MFAP1: variants seen among roughly 807,000 people sequenced by gnomAD.
The protein encoded by MFAP1 is microfibril associated protein 1.
A neutral mutation model predicts 62.2 loss-of-function variants in MFAP1; 18 were observed. The observed-to-expected ratio is 0.29, with a 90% confidence interval of 0.20 to 0.43. The LOEUF is 0.43. MFAP1 is among the 20% of genes least tolerant of loss of function. The probability of loss-of-function intolerance (pLI) is 1.00; values close to 1 mark genes in which losing one functional copy is unlikely to be tolerated. For missense variants in MFAP1, 355 were observed against 559.7 expected (o/e 0.63, Z 3.69); for synonymous variants, 175 against 180.4 (o/e 0.97, Z 0.24).
chr15:43,805,593 C>T, intron 7 of MFAP1, 128 bp from the exon 8 acceptor site: 1 of 685,324 alleles, frequency 1.5e-6, no homozygotes, highest in Non-Finnish European at 2.3e-6. Context: ...CAAGAGCTTA[C>T]ATCTAGTTGA....
chr15:43,817,817 C>A (rs143012877), intron 1 of MFAP1, among the ~76,000 whole-genome samples: 2 of 152,286 alleles, frequency 1.3e-5, no homozygotes, highest in African/African-American at 4.8e-5. Context: ...TAACAGTGCC[C>A]AGCACATAGT....
chr15:43,818,819 T>A (rs2087450501), intron 1 of MFAP1, among the ~76,000 whole-genome samples: 1 of 151,908 alleles, frequency 6.6e-6, no homozygotes, highest in Admixed American at 6.6e-5. Flanking sequence ...GCCCAGGAGG[T>A]TGAGGCTGCG....
intron 7 of MFAP1, among the ~76,000 whole-genome samples, chr15:43,807,196 C>G (rs1256769396): frequency 6.6e-6 from 1 of 151,546 alleles, no homozygotes; most frequent in Non-Finnish European, 1.5e-5. Flanking sequence ...ACTAAAAATA[C>G]AAAAACTAGT....
chr15:43,818,989 C>T (rs377316352), intron 1 of MFAP1, among the ~76,000 whole-genome samples: 5 of 152,202 alleles, frequency 3.3e-5, no homozygotes, highest in African/African-American at 7.2e-5. Context: ...GCTAGGAGTT[C>T]GAGACCAGCC....
intron 1 of MFAP1, among the ~76,000 whole-genome samples, chr15:43,821,461 G>T (rs1303708276): frequency 6.6e-6 from 1 of 151,972 alleles, no homozygotes; most frequent in Non-Finnish European, 1.5e-5. Context: ...GGGGAAGGAG[G>T]GGTGGGGCAT....
intron 7 of MFAP1, 107 bp from the exon 8 acceptor site, chr15:43,805,572 G>A (rs2087357410): frequency 1.3e-5 from 11 of 870,082 alleles, no homozygotes; most frequent in African/African-American, 1.7e-5. Flanking sequence ...AGAGGGTATT[G>A]AGCCTTTCTT....
Position 43,814,940 on chromosome 15 carries a change from C to G in MFAP1, c.429+5G>C. Reference sequence around the variant, plus strand: ...AAAAAAACTTCCCATGTTCCTTTATCATACCTCATCATCAATTTCCTCCTC... The same window carrying G: ...AAAAAAACTTCCCATGTTCCTTTATGATACCTCATCATCAATTTCCTCCTC... On this transcript the variant is annotated splice_donor_5th_base_variant and intron_variant, in intron 3 of 8. Transcript: ENST00000267812. The G allele has an allele frequency of 6.2e-7, 1 of 1,613,888 alleles. No individual in the cohort carries two copies. The highest frequency in any genetic ancestry group is 1.3e-5 in the African/African-American group (1 of 75,046).
In MFAP1 at chr15:43,809,428, A is replaced by C. The variant is rs572177905; in HGVS notation, c.1047+327T>G. Among the ~76,000 whole-genome samples, 4 of 152,016 alleles carry C rather than the reference A, an allele frequency of 2.6e-5. No individual in the cohort carries two copies. The East Asian group carries it at 7.7e-4, about 29-fold the overall frequency. On this transcript the variant is annotated intron_variant, in intron 7 of 8. Transcript: ENST00000267812. Reference sequence around the variant, plus strand: ...AGCAGGTGTAAAGCGCAGGACGTCAAGGTTGCAGTGAACTATAATCGCACC... The same window carrying C: ...AGCAGGTGTAAAGCGCAGGACGTCACGGTTGCAGTGAACTATAATCGCACC...
Position 43,813,024 on chromosome 15 carries a change from G to A in MFAP1, c.850C>T (p.Leu284=), listed in dbSNP as rs748674863. 6.2e-7 allele frequency: 1 copy of A among 1,614,030 alleles called. No individual in the cohort carries two copies. Among genetic ancestry groups the A allele is most frequent in the South Asian group, 1.1e-5 (1 of 91,070 alleles). Residue 284 remains leucine, a synonymous_variant, in exon 6 of 9, where the codon CTA becomes TTA. Coordinates refer to ENST00000267812, the MANE Select transcript of MFAP1 (RefSeq NM_005926.3). ...TCTCTGTCCCTCTTGATTCTTTTTA[G>A]CTCTCGAACTTTCCATGCCTCATAT... ...EEYEAWKVRE[L]KRIKRDREDR... is the part of the protein sequence containing the mutation.
chr15:43,808,203 T>C (rs1384304796), intron 7 of MFAP1, among the ~76,000 whole-genome samples: 1 of 152,238 alleles, frequency 6.6e-6, no homozygotes, highest in Non-Finnish European at 1.5e-5. Flanking sequence ...TAAGAAAGAC[T>C]TTTTAAAAAC....
chr15:43,813,493 T>G, intron 4 of MFAP1, 136 bp from the exon 5 acceptor site: 1 of 678,000 alleles, frequency 1.5e-6, no homozygotes, highest in Non-Finnish European at 2.3e-6. Flanking sequence ...CAAAAAACGC[T>G]GAGTCATCCC....
At chr15:43,807,131 G>A (rs1596054602) in intron 7 of MFAP1, among the ~76,000 whole-genome samples, 1 of 151,652 alleles carries the variant, frequency 6.6e-6, no homozygotes, top group Non-Finnish European at 1.5e-5. Context: ...TGGGCACATC[G>A]CCTAAGGTCA....
chr15:43,824,067 G>C (rs1567178546), intron 1 of MFAP1, among the ~76,000 whole-genome samples: 3 of 151,492 alleles, frequency 2.0e-5, no homozygotes, highest in South Asian at 2.1e-4. Flanking sequence ...ATATACTTAA[G>C]TTCCTAAGTA....
chr15:43,813,940 G>A (rs572804083), intron 4 of MFAP1, among the ~76,000 whole-genome samples: 2 of 152,084 alleles, frequency 1.3e-5, no homozygotes, highest in Non-Finnish European at 2.9e-5. Flanking sequence ...TGCTCGTTGA[G>A]TTTAATTTTG....
chr15:43,820,364 G>C (rs1041147226), intron 1 of MFAP1, among the ~76,000 whole-genome samples: 1 of 152,046 alleles, frequency 6.6e-6, no homozygotes, highest in African/African-American at 2.4e-5. Context: ...GCATCCTAAT[G>C]TTGTACCTAT....
intron 1 of MFAP1, among the ~76,000 whole-genome samples, chr15:43,819,377 A>G (rs1475346983): frequency 6.6e-6 from 1 of 152,164 alleles, no homozygotes; most frequent in African/African-American, 2.4e-5. Context: ...CCTGGCCTCA[A>G]GTGATCCTCC....
At chr15:43,810,172 G>T in intron 6 of MFAP1, 1 of 343,184 alleles carries the variant, frequency 2.9e-6, no homozygotes, top group Non-Finnish European at 5.2e-6. Context: ...TTACTGCTGG[G>T]TTTTCCAACA....
At chr15:43,809,151 A>G (rs2087382904) in intron 7 of MFAP1, among the ~76,000 whole-genome samples, 1 of 152,138 alleles carries the variant, frequency 6.6e-6, no homozygotes, top group Non-Finnish European at 1.5e-5. Context: ...TTAGTCCACT[A>G]TCTGTACAGA....
chr15:43,805,535 C>T, intron 7 of MFAP1, 70 bp from the exon 8 acceptor site: 1 of 1,277,832 alleles, frequency 7.8e-7, no homozygotes, highest in African/African-American at 1.5e-5. Flanking sequence ...ATTTATTAAA[C>T]TCTACAATAA....
Sources: allele counts gnomAD v4.1 joint callset (sites outside exome capture counted in the v4.1 genomes callset), GRCh38; gene constraint gnomAD v4.1.1; transcripts MANE v1.5; gene names NCBI Gene and HGNC (gene_info 2026-07-23, HGNC 2026-07-21).